The following NELL2 variants were observed in gnomAD, a reference collection of about 807,000 sequenced individuals.
NELL2 encodes the protein protein kinase C-binding protein NELL2.
NELL2 carries 41 observed loss-of-function variants against 109.6 expected under a neutral mutation model. That is an observed-to-expected ratio of 0.37 (90% CI 0.29 to 0.49). The LOEUF (loss-of-function observed/expected upper bound fraction) is 0.49. NELL2 is among the 20% of genes least tolerant of loss of function. NELL2 has a pLI of 0.98. For synonymous variants in NELL2, 355 were observed against 344.7 expected (o/e 1.03, Z -0.33); for missense variants, 900 against 1,008.3 (o/e 0.89, Z 1.45).
rs189474551 is a variant in NELL2 at position 44,863,860 on chromosome 12, A to T, written c.184+11365T>A. ...AAAATAATAAAAGCTATAATAATTT[A>T]TGAAGGAATACATGATATAAAAAGA... On this transcript the variant is annotated intron_variant, in intron 2 of 19. Transcript: ENST00000429094. Among the ~76,000 whole-genome samples the T allele has an allele frequency of 6.6e-3, 998 of 152,332 alleles. 5 individuals carry two copies. The highest frequency in any genetic ancestry group is 9.2e-3 in the Non-Finnish European group (627 of 68,028).
At chr12:44,613,651 AT>A (rs1592207962) in intron 13 of NELL2, among the ~76,000 whole-genome samples, 1 of 152,128 alleles carries the variant, frequency 6.6e-6, no homozygotes, top group East Asian at 1.9e-4. Flanking sequence ...AAAGTTGGTT[AT>A]AGCTACAATT....
At chr12:44,784,629 C>A (rs1209443347) in intron 3 of NELL2, among the ~76,000 whole-genome samples, 1 of 152,152 alleles carries the variant, frequency 6.6e-6, no homozygotes, top group Admixed American at 6.5e-5. Context: ...TGAAAATCCT[C>A]AATAAAATAC....
At chr12:44,612,061 A>G (rs943427863) in intron 13 of NELL2, among the ~76,000 whole-genome samples, 2 of 152,066 alleles carry the variant, frequency 1.3e-5, no homozygotes, top group African/African-American at 4.8e-5. Flanking sequence ...TCATGAAAGC[A>G]ATGAAATATT....
intron 12 of NELL2, among the ~76,000 whole-genome samples, chr12:44,681,938 T>A (rs552884531): frequency 0.049 from 7,340 of 149,642 alleles, 638 homozygotes; most frequent in African/African-American, 0.17. Flanking sequence ...TACCCAGTAA[T>A]GGGATGGCTG....
intron 1 of NELL2, among the ~76,000 whole-genome samples, chr12:44,899,259 G>C (rs970429404): frequency 6.6e-6 from 1 of 152,058 alleles, no homozygotes; most frequent in African/African-American, 2.4e-5. Context: ...AGGAAATACA[G>C]AGAACACCAT....
chr12:44,641,949 G>A (rs541283021), intron 13 of NELL2, among the ~76,000 whole-genome samples: 2 of 152,030 alleles, frequency 1.3e-5, no homozygotes, highest in Non-Finnish European at 2.9e-5. Flanking sequence ...CACCCACCTC[G>A]GCCTCCTAAA....
At chr12:44,836,075 T>C (rs1944045428) in intron 2 of NELL2, among the ~76,000 whole-genome samples, 1 of 152,114 alleles carries the variant, frequency 6.6e-6, no homozygotes, top group African/African-American at 2.4e-5. Context: ...CAGATCATAG[T>C]TCTGTGATCA....
intron 3 of NELL2, among the ~76,000 whole-genome samples, chr12:44,802,340 T>G (rs1253120995): frequency 6.6e-6 from 1 of 152,112 alleles, no homozygotes; most frequent in Non-Finnish European, 1.5e-5. Context: ...CACTTATTGC[T>G]TATCAATAAC....
intron 15 of NELL2, among the ~76,000 whole-genome samples, chr12:44,598,854 T>TACACACAC (rs754118280): frequency 0.044 from 5,197 of 118,174 alleles, 122 homozygotes; most frequent in African/African-American, 0.048. Flanking sequence ...AAGAAAGAAA[T>TACACACAC]ACACACACAC....
upstream of NELL2, among the ~76,000 whole-genome samples, chr12:44,918,513 ATGTATGTGTGTGTGTG>A (rs1281479715): frequency 2.2e-4 from 27 of 121,426 alleles, no homozygotes; most frequent in Admixed American, 1.2e-3. Context: ...TCATGCATGC[ATGTATGTGTGTGTGTG>A]TGTGTGTGTG....
At chr12:44,789,760 T>C (rs2136624652) in intron 3 of NELL2, among the ~76,000 whole-genome samples, 1 of 152,012 alleles carries the variant, frequency 6.6e-6, no homozygotes, top group East Asian at 1.9e-4. Context: ...GTCAAGGAAA[T>C]AGATAGCATA....
chr12:44,672,664 T>C (rs1948179820), intron 12 of NELL2, among the ~76,000 whole-genome samples: 1 of 152,232 alleles, frequency 6.6e-6, no homozygotes, highest in South Asian at 2.1e-4. Flanking sequence ...ACTAAAGTTC[T>C]GTGAGAGAGG....
upstream of NELL2, among the ~76,000 whole-genome samples, chr12:44,917,945 A>C (rs1945841015): frequency 6.6e-6 from 1 of 152,266 alleles, no homozygotes; most frequent in South Asian, 2.1e-4. Flanking sequence ...TGTGCCATCA[A>C]CTGGTAATTT....
At chr12:44,541,548 C>G (rs914040742) in intron 15 of NELL2, among the ~76,000 whole-genome samples, 1 of 151,914 alleles carries the variant, frequency 6.6e-6, no homozygotes, top group African/African-American at 2.4e-5. Context: ...CAAAAGCAAA[C>G]AAAGCAAAGA....
intron 15 of NELL2, among the ~76,000 whole-genome samples, chr12:44,547,432 G>A (rs577498376): frequency 2.6e-5 from 4 of 152,270 alleles, no homozygotes; most frequent in South Asian, 2.1e-4. Flanking sequence ...TCATGTAAAC[G>A]AGGTAGGATC....
chr12:44,658,877 C>CAAAAAA (rs58696965), intron 13 of NELL2, among the ~76,000 whole-genome samples: 24 of 69,718 alleles, frequency 3.4e-4, no homozygotes, highest in Admixed American at 5.2e-4. Flanking sequence ...ACTCTGTCTC[C>CAAAAAA]AAAAAAAAAA....
intron 9 of NELL2, among the ~76,000 whole-genome samples, chr12:44,716,290 C>G (rs549533888): frequency 6.6e-6 from 1 of 152,134 alleles, no homozygotes; most frequent in African/African-American, 2.4e-5. Flanking sequence ...CCTTACACAG[C>G]ATTTATTAAC....
intron 3 of NELL2, among the ~76,000 whole-genome samples, chr12:44,796,740 A>C (rs1325547668): frequency 6.6e-6 from 1 of 152,164 alleles, no homozygotes; most frequent in East Asian, 1.9e-4. Context: ...TATAGCTAGG[A>C]GCCAAAATTG....
intron 3 of NELL2, among the ~76,000 whole-genome samples, chr12:44,810,767 A>G (rs980074385): frequency 2.0e-4 from 30 of 152,088 alleles, no homozygotes; most frequent in Non-Finnish European, 1.6e-4. Flanking sequence ...GGCTGCCGTC[A>G]GGGATAGAAA....
Sources: gnomAD v4.1 joint callset for allele counts (sites outside exome capture counted in the v4.1 genomes callset) on GRCh38, gnomAD v4.1.1 for gene constraint, MANE v1.5 for transcripts, NCBI Gene and HGNC (gene_info 2026-07-23, HGNC 2026-07-21) for gene names.